The following CPEB3 variants were observed in gnomAD, a reference collection of about 807,000 sequenced individuals.
The protein encoded by CPEB3 is cytoplasmic polyadenylation element-binding protein 3.
CPEB3 carries 20 observed loss-of-function variants against 67.2 expected under a neutral mutation model. The ratio of observed to expected loss-of-function variants is 0.30; its 90% CI spans 0.21 to 0.43. The LOEUF (loss-of-function observed/expected upper bound fraction) is 0.43, where lower values mean the gene tolerates loss of function less well. Ranked by LOEUF, CPEB3 falls within the 20% of genes least tolerant of loss-of-function variation. The pLI, the probability that CPEB3 is intolerant of heterozygous loss-of-function variation, is 1.00. For missense variants in CPEB3, 746 were observed against 968.6 expected, an observed-to-expected ratio of 0.77 and a Z score of 3.05; for synonymous variants, 376 against 393.1, an observed-to-expected ratio of 0.96 and a Z score of 0.51.
At position 92,143,109 on chromosome 10, in the gene CPEB3, G is replaced by A. The variant is rs760189725; in HGVS notation, c.1373C>T (p.Thr458Ile). The part of the protein sequence containing the change: ...LPPDIDEDEI[T>I]ASFRRFGPLV... ...AGGTCCAAACCTGCGAAAGCTGGCA[G>A]TGATCTCATCTACAAAACAAAGAAA... The change falls in exon 6 of 10, where the codon ACT becomes ATT. Residue 458 changes from threonine to isoleucine, a missense_variant. Around this residue, in one of 2 missense-constraint regions of CPEB3, gnomAD observed 643 missense variants for 717.5 expected, o/e 0.90. Coordinates refer to ENST00000265997, the MANE Select transcript of CPEB3 (RefSeq NM_014912.5). The A allele has an allele frequency of 6.2e-7, 1 of 1,612,492 alleles. No homozygotes were observed. The highest frequency in any genetic ancestry group is 2.2e-5 in the East Asian group (1 of 44,838).
chr10:92,128,332 T>C (rs1378192097), intron 6 of CPEB3, among the ~76,000 whole-genome samples: 1 of 152,114 alleles, frequency 6.6e-6, no homozygotes, highest in South Asian at 2.1e-4. Flanking sequence ...TAAAAAGAAA[T>C]GGCAAAAATA....
intron 2 of CPEB3, among the ~76,000 whole-genome samples, chr10:92,207,016 C>T (rs1286592561): frequency 3.3e-5 from 5 of 152,108 alleles, no homozygotes; most frequent in African/African-American, 1.2e-4. Context: ...GACAGGGTCT[C>T]ACTCTGTCAC....
In CPEB3 at chr10:92,192,496, C is replaced by T. The variant is rs1473799025; in HGVS notation, c.1146G>A (p.Met382Ile). The change falls in exon 3 of 10, where the codon ATG (methionine) becomes ATA (isoleucine). Residue 382 changes from methionine to isoleucine, a missense_variant. Met to Ile is a conservative substitution (Grantham distance 10, BLOSUM62 1). Transcript: ENST00000265997. Reference protein sequence around the residue: ...SGPPMSFADIMWRNHFAGRMG... With the variant: ...SGPPMSFADIIWRNHFAGRMG... ...CCTAACCTGCAAAATGATTCCTCCA[C>T]ATTATATCAGCGAAACTCATTGGTG... 6.2e-7 allele frequency: 1 copy of T among 1,613,884 alleles called. No individual in the cohort carries two copies. The highest frequency in any genetic ancestry group is 1.1e-5 in the South Asian group (1 of 91,014).
At chr10:92,189,948 GA>G (rs1166170805) in intron 3 of CPEB3, among the ~76,000 whole-genome samples, 26 of 147,724 alleles carry the variant, frequency 1.8e-4, no homozygotes, top group South Asian at 4.3e-4. Context: ...TAAGCTCTAG[GA>G]AAAAAAAACA....
intron 1 of CPEB3, among the ~76,000 whole-genome samples, chr10:92,251,986 G>T (rs1852320816): frequency 6.7e-6 from 1 of 148,428 alleles, no homozygotes; most frequent in Non-Finnish European, 1.5e-5. Flanking sequence ...GTAACCATAA[G>T]TAAGACAGTA....
In CPEB3 at chr10:92,051,383, C is replaced by T. The variant is rs1935492693; in HGVS notation, c.*829G>A. ...AATAGTGACCTTCCACCGAAGCTTT[C>T]TGAAGTCTATTCTGATCTCCGTTCG... On this transcript the variant is annotated 3_prime_UTR_variant, in exon 10 of 10. Transcript: ENST00000265997. 1 of 152,614 alleles carries T rather than the reference C, an allele frequency of 6.6e-6. No individual in the cohort carries two copies. The highest frequency in any genetic ancestry group is 6.5e-5 in the Admixed American group (1 of 15,290). The allele number at this position is 152,614 out of a possible 1,614,324, so 9.5% of individuals were successfully genotyped here. A position where few individuals can be genotyped will look rare whatever the true frequency, so the allele number is the denominator to read the frequency against.
Position 92,244,641 on chromosome 10 carries a change from G to A in CPEB3, c.-11-4280C>T, listed in dbSNP as rs927182132. 7.6e-4 allele frequency among the ~76,000 whole-genome samples: 115 copies of A among 152,016 alleles called. 1 individual carries two copies. Among genetic ancestry groups the A allele is most frequent in the Non-Finnish European group, 1.5e-4 (10 of 67,984 alleles). On this transcript the variant is annotated intron_variant, in intron 1 of 9. Coordinates refer to ENST00000265997, the MANE Select transcript of CPEB3 (RefSeq NM_014912.5). ...TTTAGTAGAAAAGGGTTTTCACTGT[G>A]TTAGCCAGGATGGTCTCGATCTCCT...
At chr10:92,178,954 T>C (rs1848348040) in intron 4 of CPEB3, among the ~76,000 whole-genome samples, 1 of 152,130 alleles carries the variant, frequency 6.6e-6, no homozygotes, top group Non-Finnish European at 1.5e-5. Context: ...GTTGTTCGTA[T>C]GGTTTATTTT....
chr10:92,089,192 C>T (rs1843506299), intron 8 of CPEB3, among the ~76,000 whole-genome samples: 1 of 152,142 alleles, frequency 6.6e-6, no homozygotes, highest in Admixed American at 6.5e-5. Context: ...CCAAGGTATA[C>T]ATCAGTTCCC....
At chr10:92,250,321 C>T (rs1168488097) in intron 1 of CPEB3, among the ~76,000 whole-genome samples, 1 of 151,732 alleles carries the variant, frequency 6.6e-6, no homozygotes, top group Admixed American at 6.6e-5. Context: ...CTCCTGACCT[C>T]GTGATCCGCC....
chr10:92,188,220 A>G (rs1039114360), intron 3 of CPEB3, among the ~76,000 whole-genome samples: 1 of 151,302 alleles, frequency 6.6e-6, no homozygotes, highest in Non-Finnish European at 1.5e-5. Flanking sequence ...TAAATAAAAT[A>G]AGAAACAGCT....
At chr10:92,125,791 C>T (rs139917767) in intron 6 of CPEB3, among the ~76,000 whole-genome samples, 482 of 151,788 alleles carry the variant, frequency 3.2e-3, no homozygotes, top group Non-Finnish European at 4.8e-3. Flanking sequence ...GGCACAATCT[C>T]GGCTTACTGC....
intron 7 of CPEB3, among the ~76,000 whole-genome samples, chr10:92,103,821 C>A (rs188625328): frequency 6.6e-6 from 1 of 152,200 alleles, no homozygotes; most frequent in Non-Finnish European, 1.5e-5. Flanking sequence ...TGTACTCCAG[C>A]CAGACAACTT....
At chr10:92,220,952 C>G (rs1207335457) in intron 2 of CPEB3, among the ~76,000 whole-genome samples, 1 of 152,192 alleles carries the variant, frequency 6.6e-6, no homozygotes, top group Non-Finnish European at 1.5e-5. Flanking sequence ...AGGCCTCTCA[C>G]AGATGCCCCT....
chr10:92,142,033 T>TAAAAAAAAAAAAAAAAAAAA (rs1325962002), intron 6 of CPEB3, among the ~76,000 whole-genome samples: 1 of 92,942 alleles, frequency 1.1e-5, no homozygotes. Flanking sequence ...AAAAAACAAA[T>TAAAAAAAAAAAAAAAAAAAA]AAAAACAAAA....
At chr10:92,250,394 TA>T (rs200522160) in intron 1 of CPEB3, among the ~76,000 whole-genome samples, 5 of 150,782 alleles carry the variant, frequency 3.3e-5, no homozygotes, top group African/African-American at 7.3e-5. Context: ...GGCCAATTTT[TA>T]AAAAAAAAAT....
At chr10:92,143,143 G>A in intron 5 of CPEB3, 25 bp from the exon 6 acceptor site, 4 of 1,562,674 alleles carry the variant, frequency 2.6e-6, no homozygotes, top group South Asian at 1.1e-5. Context: ...AAGAATCTTA[G>A]CAAAAGAGAA....
intron 1 of CPEB3, among the ~76,000 whole-genome samples, chr10:92,259,498 G>A (rs1248191030): frequency 6.6e-6 from 1 of 151,912 alleles, no homozygotes; most frequent in East Asian, 2.0e-4. Context: ...CTACTAGGGA[G>A]GCTGAGGCAG....
chr10:92,245,915 G>A (rs916388841), intron 1 of CPEB3, among the ~76,000 whole-genome samples: 2 of 152,122 alleles, frequency 1.3e-5, no homozygotes, highest in Non-Finnish European at 2.9e-5. Context: ...GCAGGCGCCT[G>A]TAATCCCATC....
Sources: gnomAD v4.1 joint callset for allele counts (sites outside exome capture counted in the v4.1 genomes callset) on GRCh38, gnomAD v4.1.1 for gene constraint, gnomAD v4.1.1 regional missense constraint, MANE v1.5 for transcripts, NCBI Gene and HGNC (gene_info 2026-07-23, HGNC 2026-07-21) for gene names.